RPS6KA6: variants seen among roughly 807,000 people sequenced by gnomAD.
RPS6KA6 encodes the protein ribosomal protein S6 kinase A6, also known as ribosomal protein S6 kinase alpha-6.
Under a neutral mutation model 65.4 loss-of-function variants are expected in RPS6KA6, and 27 were observed. That is an observed-to-expected ratio of 0.41 (90% CI 0.30 to 0.57). The LOEUF is 0.57. RPS6KA6 is among the 20% of genes least tolerant of loss of function. The pLI is 0.24. For missense variants in RPS6KA6, 486 were observed against 555.6 expected (o/e 0.87, Z 1.26); for synonymous variants, 190 against 184.2 (o/e 1.03, Z -0.26).
intron 3 of RPS6KA6, among the ~76,000 whole-genome samples, chrX:84,150,407 C>T (rs1256664325): frequency 9.0e-6 from 1 of 111,715 alleles, no homozygotes; most frequent in East Asian, 2.8e-4. Context: ...CAGATTTTGA[C>T]ATGCCTTCCT....
rs775932611 is a variant in RPS6KA6, at chrX:84,104,308, A to G, written c.1614+191T>C. Among the ~76,000 whole-genome samples the G allele has an allele frequency of 3.6e-5, 4 of 111,583 alleles. No individual in the cohort carries two copies. The East Asian group carries it at 8.4e-4, about 23-fold the overall frequency. On this transcript the variant is annotated intron_variant, in intron 17 of 21. Transcript: ENST00000262752. Reference sequence around the variant, plus strand: ...TTTTAAATGAATATGCTATTAAATCAGGGCCAATTGGCAGAGAGAAAATAA... The same window carrying G: ...TTTTAAATGAATATGCTATTAAATCGGGGCCAATTGGCAGAGAGAAAATAA...
chrX:84,135,413 ATG>A (rs1776203340), intron 6 of RPS6KA6, among the ~76,000 whole-genome samples: 1 of 111,415 alleles, frequency 9.0e-6, no homozygotes, highest in Admixed American at 9.6e-5. Flanking sequence ...CTCTTTAAGA[ATG>A]TGTCTCTTCG....
At position 84,065,063 on chromosome X, in the gene RPS6KA6, C is replaced by T; in HGVS notation, c.2020G>A (p.Ala674Thr). Residue 674 changes from alanine to threonine, a missense_variant, in exon 21 of 22, where the codon GCT becomes ACT. Physicochemically the swap from Ala to Thr is moderately conservative, Grantham distance 58. Coordinates refer to ENST00000262752, the MANE Select transcript of RPS6KA6 (RefSeq NM_014496.5). ...CATGAGTGCTTTAATATTTGTTCAGCAGTATACCGCTGATGTGGGTCCATA... is the reference window on the plus strand; with the variant it reads ...CATGAGTGCTTTAATATTTGTTCAGTAGTATACCGCTGATGTGGGTCCATA... ...LHMDPHQRYT[A>T]EQILKHSWIT... 8.3e-7 allele frequency: 1 copy of T among 1,202,395 alleles called. No homozygotes were observed. The highest frequency in any genetic ancestry group is 1.1e-6 in the Non-Finnish European group (1 of 889,247).
chrX:84,180,366 C>G (rs1156820466), intron 1 of RPS6KA6, among the ~76,000 whole-genome samples: 1 of 111,565 alleles, frequency 9.0e-6, no homozygotes, highest in Admixed American at 9.5e-5. Flanking sequence ...CTAAAATTTC[C>G]TCAGATTTTA....
intron 6 of RPS6KA6, among the ~76,000 whole-genome samples, chrX:84,142,570 T>C (rs902687746): frequency 9.0e-6 from 1 of 111,552 alleles, no homozygotes; most frequent in African/African-American, 3.2e-5. Flanking sequence ...GCTGTTTCTT[T>C]GAGAGTAATA....
chrX:84,083,098 G>C (rs1420705388), intron 20 of RPS6KA6, among the ~76,000 whole-genome samples: 1 of 112,204 alleles, frequency 8.9e-6, no homozygotes, highest in Non-Finnish European at 1.9e-5. Context: ...CTGACAAATG[G>C]GATCTAATTA....
Position 84,097,822 on chromosome X carries a change from A to G in RPS6KA6, c.1803T>C (p.Ala601=). The change falls in exon 19 of 22, where the codon GCT becomes GCC. Residue 601 remains alanine, a synonymous_variant. Coordinates refer to ENST00000262752, the MANE Select transcript of RPS6KA6 (RefSeq NM_014496.5). ...CTCCTAAACTCCAGATATCACAAGC[A>G]GCATCATATCCCTGTTGCATAAGAA... ...PEVLMQQGYD[A]ACDIWSLGVL... 8.3e-7 allele frequency: 1 copy of G among 1,198,515 alleles called. No homozygotes were observed. Among genetic ancestry groups the G allele is most frequent in the Non-Finnish European group, 1.1e-6 (1 of 885,012 alleles).
At chrX:84,072,117 A>T (rs1040115827) in intron 20 of RPS6KA6, among the ~76,000 whole-genome samples, 3 of 111,826 alleles carry the variant, frequency 2.7e-5, no homozygotes, top group Non-Finnish European at 3.8e-5. Context: ...GAACACAACA[A>T]CAAAAACTAT....
rs746777986 is a variant in RPS6KA6 at position 84,063,979 on chromosome X, T to A, written c.*298A>T. 2.6e-5 allele frequency: 5 copies of A among 194,434 alleles called. No individual in the cohort carries two copies. Among genetic ancestry groups the A allele is most frequent in the Admixed American group, 7.0e-5 (1 of 14,312 alleles). The allele number at this position is 194,434 out of a possible 1,213,427, so 16.0% of individuals were successfully genotyped here. Reference sequence around the variant, plus strand: ...TAATTGTATGAAACAAGAAAAAAAATATTAAAGTAACTTTATTTGAAAGGA... The same window carrying A: ...TAATTGTATGAAACAAGAAAAAAAAAATTAAAGTAACTTTATTTGAAAGGA... On this transcript the variant is annotated 3_prime_UTR_variant, in exon 22 of 22. Coordinates refer to ENST00000262752, the MANE Select transcript of RPS6KA6 (RefSeq NM_014496.5).
At chrX:84,092,143 G>A (rs989195649) in intron 20 of RPS6KA6, among the ~76,000 whole-genome samples, 1 of 110,675 alleles carries the variant, frequency 9.0e-6, no homozygotes, top group Non-Finnish European at 1.9e-5. Flanking sequence ...CATGGCACAC[G>A]TTTACCTATG....
At chrX:84,122,277 G>A (rs1207993595) in intron 8 of RPS6KA6, among the ~76,000 whole-genome samples, 1 of 110,172 alleles carries the variant, frequency 9.1e-6, no homozygotes, top group Non-Finnish European at 1.9e-5. Flanking sequence ...TGAATTCAGT[G>A]CTGCCCTGTT....
intron 1 of RPS6KA6, among the ~76,000 whole-genome samples, chrX:84,179,052 C>T (rs899677665): frequency 9.0e-6 from 1 of 111,088 alleles, no homozygotes; most frequent in African/African-American, 3.3e-5. Flanking sequence ...ATATAAAGAA[C>T]TCTCAAAATT....
intron 8 of RPS6KA6, among the ~76,000 whole-genome samples, chrX:84,123,609 A>G (rs2034719697): frequency 8.9e-6 from 1 of 111,998 alleles, no homozygotes; most frequent in African/African-American, 3.2e-5. Flanking sequence ...CTCCCTGTGG[A>G]GAGGGGAGGG....
intron 3 of RPS6KA6, among the ~76,000 whole-genome samples, 154 bp from the exon 4 acceptor site, chrX:84,148,277 G>C (rs1044007322): frequency 1.8e-5 from 2 of 110,460 alleles, no homozygotes; most frequent in South Asian, 7.7e-4. Context: ...GATAGTGAGA[G>C]ATTTGTTGAA....
chrX:84,105,629 T>TG (rs767316430), intron 16 of RPS6KA6, among the ~76,000 whole-genome samples, 158 bp downstream of exon 16: 12 of 108,070 alleles, frequency 1.1e-4, no homozygotes, highest in East Asian at 3.2e-4. Flanking sequence ...TATAGAATCA[T>TG]GGGAAAAAAA....
chrX:84,183,656 T>C (rs2037766978), intron 1 of RPS6KA6, among the ~76,000 whole-genome samples: 1 of 111,517 alleles, frequency 9.0e-6, no homozygotes. Flanking sequence ...TTCTTCCTTC[T>C]TTCAGAACAT....
At chrX:84,139,065 A>G (rs181689953) in intron 6 of RPS6KA6, among the ~76,000 whole-genome samples, 1 of 111,781 alleles carries the variant, frequency 8.9e-6, no homozygotes, top group African/African-American at 3.2e-5. Flanking sequence ...GTAACCATTG[A>G]ATCATTTTTT....
chrX:84,183,814 CCCACCACCACCACCA>C (rs1056839925), intron 1 of RPS6KA6, among the ~76,000 whole-genome samples: 1 of 109,991 alleles, frequency 9.1e-6, no homozygotes, highest in Non-Finnish European at 1.9e-5. Flanking sequence ...CACCACCACC[CCCACCACCACCACCA>C]CCACCCCATT....
Position 84,090,469 on chromosome X carries a change from T to C in RPS6KA6, c.1971+5725A>G, listed in dbSNP as rs142816395. Among the ~76,000 whole-genome samples the C allele has an allele frequency of 9.1e-3, 991 of 109,010 alleles. 15 individuals are homozygous for C. Among genetic ancestry groups the C allele is most frequent in the African/African-American group, 0.031 (953 of 30,572 alleles). The allele number at this position is 109,010 out of a possible 115,157, so 94.7% of individuals were successfully genotyped here. A position where few individuals can be genotyped will look rare whatever the true frequency, so the allele number is the denominator to read the frequency against. ...GATCATGTAAAGGATAATGTATTAG[T>C]CCATTCTCACACTGCTATGAAGACA... On this transcript the variant is annotated intron_variant, in intron 20 of 21. Coordinates refer to ENST00000262752, the MANE Select transcript of RPS6KA6 (RefSeq NM_014496.5).
Sources: allele counts gnomAD v4.1 joint callset (sites outside exome capture counted in the v4.1 genomes callset), GRCh38; gene constraint gnomAD v4.1.1; transcripts MANE v1.5; gene names NCBI Gene and HGNC (gene_info 2026-07-23, HGNC 2026-07-21).